KLF5: variants seen among roughly 807,000 people sequenced by gnomAD.
KLF5 encodes the protein KLF transcription factor 5.
In KLF5, 9 loss-of-function variants were observed where a neutral mutation model predicts 36.9. The ratio of observed to expected loss-of-function variants is 0.24; its 90% CI spans 0.15 to 0.43. The LOEUF (loss-of-function observed/expected upper bound fraction) is 0.43, where lower values mean the gene tolerates loss of function less well. KLF5 is among the 20% of genes least tolerant of loss of function. The pLI, the probability that KLF5 is intolerant of heterozygous loss-of-function variation, is 1.00. For missense variants in KLF5, 524 were observed against 599.5 expected (o/e 0.87, Z 1.31); for synonymous variants, 246 against 241.7 (o/e 1.02, Z -0.17).
intron 3 of KLF5, among the ~76,000 whole-genome samples, chr13:73,068,556 T>A (rs932558742): frequency 6.6e-6 from 1 of 150,854 alleles, no homozygotes; most frequent in South Asian, 2.1e-4. Context: ...ATACAAAAAT[T>A]AGTCAGGCGT....
Position 73,062,131 on chromosome 13 carries a change from C to A in KLF5, c.532C>A (p.Pro178Thr). Residue 178 changes from proline (P) to threonine (T), a missense_variant, in exon 2 of 4, where the codon CCT (proline) becomes ACT (threonine). Pro to Thr is a conservative substitution (Grantham distance 38). This residue lies in a region of KLF5 where 454 missense variants were observed against 458.1 expected (regional missense o/e 0.99). Transcript: ENST00000377687. ...IFSHQSETTAPPPAPTQALPE... is the reference protein window; with the variant it reads ...IFSHQSETTATPPAPTQALPE... ...CAGCCACCAGAGTGAAACGACTGCC[C>A]CTCCTCCGGCCCCGACCCAGGCCCT... 6.2e-7 allele frequency: 1 copy of A among 1,614,092 alleles called. No individual in the cohort carries two copies. The highest frequency in any genetic ancestry group is 8.5e-7 in the Non-Finnish European group (1 of 1,180,028).
At chr13:73,064,120 A>G (rs1193489987) in intron 3 of KLF5, among the ~76,000 whole-genome samples, 1 of 152,030 alleles carries the variant, frequency 6.6e-6, no homozygotes, top group Non-Finnish European at 1.5e-5. Flanking sequence ...GTCACCGCTC[A>G]GAGTTGATTA....
chr13:73,072,721 A>G (rs1256009488), intron 3 of KLF5, among the ~76,000 whole-genome samples: 1 of 152,230 alleles, frequency 6.6e-6, no homozygotes, highest in African/African-American at 2.4e-5. Flanking sequence ...TATGTGCTCC[A>G]TGGCTGCTGG....
At position 73,062,026 on chromosome 13, in the gene KLF5, A is replaced by G. The variant is rs201571556; in HGVS notation, c.427A>G (p.Ile143Val). The change falls in exon 2 of 4, where the codon ATC (isoleucine) becomes GTC (valine). Residue 143 changes from isoleucine to valine, a missense_variant. By Grantham distance (29) the Ile-to-Val change is conservative. Coordinates refer to ENST00000377687, the MANE Select transcript of KLF5 (RefSeq NM_001730.5). ...SINMNVFLPDITHLRTGLYKS... is the reference protein window; with the variant it reads ...SINMNVFLPDVTHLRTGLYKS... ...CAACATGAACGTCTTCCTCCCTGACATCACTCACCTGAGAACTGGCCTCTA... is the reference window on the plus strand; with the variant it reads ...CAACATGAACGTCTTCCTCCCTGACGTCACTCACCTGAGAACTGGCCTCTA... 1.4e-5 allele frequency: 22 copies of G among 1,613,994 alleles called. No homozygotes were observed. The highest frequency in any genetic ancestry group is 1.7e-5 in the Non-Finnish European group (20 of 1,180,032).
intron 1 of KLF5, 23 bp downstream of exon 1, chr13:73,059,611 C>T: frequency 1.7e-6 from 2 of 1,146,832 alleles, no homozygotes; most frequent in Non-Finnish European, 2.1e-6. Context: ...GCTCCCCTCC[C>T]ACCGCAGCAC....
intron 2 of KLF5, 103 bp downstream of exon 2, chr13:73,062,837 A>T: frequency 1.0e-6 from 1 of 960,604 alleles, no homozygotes; most frequent in Non-Finnish European, 1.5e-6. Context: ...GCCCTTTTCA[A>T]CCTCATGGCT....
At chr13:73,073,568 T>A (rs1289019147) in intron 3 of KLF5, among the ~76,000 whole-genome samples, 1 of 152,238 alleles carries the variant, frequency 6.6e-6, no homozygotes, top group East Asian at 1.9e-4. Context: ...AAAATTCAGT[T>A]CTGCTATTTA....
At chr13:73,055,153 C>T (rs2044576350), upstream of KLF5, 1 of 152,086 alleles carries the variant, frequency 6.6e-6, no homozygotes, top group Admixed American at 6.5e-5. Context: ...CCAGTCTCTC[C>T]AAAAGGTAAA....
chr13:73,057,767 T>C (rs60220149), upstream of KLF5, among the ~76,000 whole-genome samples: 1,310 of 152,326 alleles, frequency 8.6e-3, 24 homozygotes, highest in African/African-American at 0.03. Context: ...TGTCAACATA[T>C]GTACATTTGT....
chr13:73,061,183 C>T (rs760660260), intron 1 of KLF5, among the ~76,000 whole-genome samples: 4 of 152,080 alleles, frequency 2.6e-5, no homozygotes, highest in Non-Finnish European at 4.4e-5. Context: ...ATCATATTAA[C>T]CAATTACAGG....
rs1021350397 is a variant in KLF5, at chr13:73,062,391, C to T, written c.792C>T (p.Asn264=). 1 of 1,614,054 alleles carries T rather than the reference C, an allele frequency of 6.2e-7. No homozygotes were observed. Among genetic ancestry groups the T allele is most frequent in the Non-Finnish European group, 8.5e-7 (1 of 1,180,008 alleles). The part of the protein sequence containing the change: ...VSMSAAMAGL[N]THTSAVPQTA... ...TGTCAGCTGCCATGGCAGGCCTTAACACACACACCTCTGCTGTTCCGCAGA... is the reference window on the plus strand; with the variant it reads ...TGTCAGCTGCCATGGCAGGCCTTAATACACACACCTCTGCTGTTCCGCAGA... Residue 264 remains asparagine (N), a synonymous_variant, in exon 2 of 4, where the codon AAC becomes AAT. Coordinates refer to ENST00000377687, the MANE Select transcript of KLF5 (RefSeq NM_001730.5).
At chr13:73,057,390 A>G (rs2044589167), upstream of KLF5, among the ~76,000 whole-genome samples, 1 of 152,242 alleles carries the variant, frequency 6.6e-6, no homozygotes, top group Non-Finnish European at 1.5e-5. Context: ...GATGGACAGC[A>G]TGGGGCTGCT....
chr13:73,068,978 C>T (rs961062851), intron 3 of KLF5, among the ~76,000 whole-genome samples: 1 of 152,074 alleles, frequency 6.6e-6, no homozygotes, highest in African/African-American at 2.4e-5. Context: ...TGCCTATAGT[C>T]CCAGCTACTT....
chr13:73,076,381 G>A lies in KLF5; in HGVS notation c.*495G>A, dbSNP rs920812349. Reference sequence around the variant, plus strand: ...CAAATAGCCATTGAACAAATGTGTGGGTTTTTAAAAATTATATACATATAT... The same window carrying A: ...CAAATAGCCATTGAACAAATGTGTGAGTTTTTAAAAATTATATACATATAT... On this transcript the variant is annotated 3_prime_UTR_variant, in exon 4 of 4. Transcript: ENST00000377687. 6.6e-6 allele frequency: 1 copy of A among 152,644 alleles called. No homozygotes were observed. The highest frequency in any genetic ancestry group is 1.5e-5 in the Non-Finnish European group (1 of 68,170). The allele number at this position is 152,644 out of a possible 1,614,324, so 9.5% of individuals were successfully genotyped here. A position where few individuals can be genotyped will look rare whatever the true frequency, so the allele number is the denominator to read the frequency against.
chr13:73,075,078 G>A (rs1324930524), intron 3 of KLF5: 2 of 152,162 alleles, frequency 1.3e-5, no homozygotes, highest in Non-Finnish European at 2.9e-5. Flanking sequence ...GTGAAGGTGT[G>A]TGTGACTCTC....
At chr13:73,059,836 A>C in intron 1 of KLF5, 1 of 952,398 alleles carries the variant, frequency 1.0e-6, no homozygotes, top group Non-Finnish European at 1.2e-6. Flanking sequence ...TCGGCCTGGG[A>C]GAGGTAAGAG....
chr13:73,062,860 GTTGTAC>G, intron 2 of KLF5, 126 bp downstream of exon 2: 3 of 686,562 alleles, frequency 4.4e-6, no homozygotes, highest in Non-Finnish European at 4.7e-6. Context: ...AAATAGGAAA[GTTGTAC>G]TTGACAGTAA....
At chr13:73,063,342 A>C (rs561786590) in intron 2 of KLF5, among the ~76,000 whole-genome samples, 165 of 152,334 alleles carry the variant, frequency 1.1e-3, no homozygotes, top group Non-Finnish European at 2.0e-3. Context: ...ATATATTTAC[A>C]AGTTACTGGG....
chr13:73,075,605 G>C (rs879737166), intron 3 of KLF5, 103 bp from the exon 4 acceptor site: 6 of 985,954 alleles, frequency 6.1e-6, no homozygotes, highest in African/African-American at 4.9e-5. Context: ...TCCTTCTTTC[G>C]CTTGGCCAAG....
Sources: allele counts gnomAD v4.1 joint callset (sites outside exome capture counted in the v4.1 genomes callset), GRCh38; gene constraint gnomAD v4.1.1; regional missense constraint gnomAD v4.1.1; transcripts MANE v1.5; gene names NCBI Gene and HGNC (gene_info 2026-07-23, HGNC 2026-07-21).